Variants in SOS2 observed in about 807,000 individuals in gnomAD.
SOS2 encodes the protein SOS Ras/Rho guanine nucleotide exchange factor 2.
Under a neutral mutation model 148.2 loss-of-function variants are expected in SOS2, and 65 were observed. The observed-to-expected ratio is 0.44, with a 90% CI of 0.36 to 0.54. The LOEUF is 0.54. Ranked by LOEUF, SOS2 falls within the 20% of genes least tolerant of loss-of-function variation. The pLI is 0.00. For missense variants in SOS2, 1,341 were observed against 1,590.2 expected (o/e 0.84, Z 2.67); for synonymous variants, 539 against 537.1 (o/e 1.00, Z -0.05).
chr14:50,207,939 T>C (rs1170210542), intron 1 of SOS2, among the ~76,000 whole-genome samples: 2 of 151,202 alleles, frequency 1.3e-5, no homozygotes, highest in African/African-American at 4.9e-5. Flanking sequence ...AAAAATAATA[T>C]GACCATCCCA....
intron 14 of SOS2, among the ~76,000 whole-genome samples, chr14:50,148,455 T>C (rs1237017923): frequency 6.6e-6 from 1 of 151,910 alleles, no homozygotes; most frequent in East Asian, 1.9e-4. Flanking sequence ...GAAGTCAGTA[T>C]TAGGTATTTT....
intron 1 of SOS2, among the ~76,000 whole-genome samples, chr14:50,230,315 C>T (rs979627810): frequency 2.0e-5 from 3 of 152,152 alleles, no homozygotes; most frequent in Non-Finnish European, 4.4e-5. Flanking sequence ...TCTGCATTAA[C>T]GGCAAAGAAA....
In SOS2 at chr14:50,134,535, C is replaced by G. The variant is rs186335804; in HGVS notation, c.2959-296G>C. Among the ~76,000 whole-genome samples the G allele has an allele frequency of 1.3e-3, 201 of 152,112 alleles. 1 individual carries two copies. The highest frequency in any genetic ancestry group is 2.3e-3 in the Non-Finnish European group (156 of 68,010). On this transcript the variant is annotated intron_variant, in intron 18 of 22. Transcript: ENST00000216373. ...TGGCTCAGCAGTAGCACTACTTATT[C>G]CTTAGGAAACTTTACTCCTACTCAT...
intron 19 of SOS2, 69 bp downstream of exon 19, chr14:50,134,054 G>A (rs1444168781): frequency 1.2e-6 from 1 of 818,726 alleles, no homozygotes; most frequent in African/African-American, 1.7e-5. Flanking sequence ...TAAGATAACA[G>A]GTTGTTAAAC....
chr14:50,220,512 T>C (rs1887174382), intron 1 of SOS2, among the ~76,000 whole-genome samples: 3 of 151,948 alleles, frequency 2.0e-5, no homozygotes, highest in South Asian at 4.2e-4. Flanking sequence ...ACTGAAATTA[T>C]CTGGATACTG....
At chr14:50,167,084 C>T (rs530455495) in intron 8 of SOS2, among the ~76,000 whole-genome samples, 2 of 151,790 alleles carry the variant, frequency 1.3e-5, no homozygotes, top group African/African-American at 4.8e-5. Flanking sequence ...ACAAAAAACC[C>T]GTGATCATAT....
intron 7 of SOS2, among the ~76,000 whole-genome samples, chr14:50,178,668 GTGCA>G (rs1245295095): frequency 5.6e-4 from 38 of 68,420 alleles, no homozygotes; most frequent in South Asian, 4.0e-3. Flanking sequence ...GTGTGTGTGT[GTGCA>G]TATATATATA....
intron 14 of SOS2, among the ~76,000 whole-genome samples, chr14:50,149,341 T>C (rs1215162065): frequency 6.6e-6 from 1 of 152,180 alleles, no homozygotes; most frequent in Non-Finnish European, 1.5e-5. Flanking sequence ...AAGCCTGTCG[T>C]TCAAGGCAAC....
At chr14:50,134,365 A>G in intron 18 of SOS2, 126 bp from the exon 19 acceptor site, 1 of 565,864 alleles carries the variant, frequency 1.8e-6, no homozygotes, top group Middle Eastern at 4.9e-4. Context: ...TAACACATTA[A>G]GAGCCCACAA....
intron 22 of SOS2, 132 bp from the exon 23 acceptor site, chr14:50,118,985 A>C: frequency 1.9e-6 from 1 of 527,404 alleles, no homozygotes; most frequent in Non-Finnish European, 3.2e-6. Flanking sequence ...GTTAATTATC[A>C]GATTATGAGT....
intron 1 of SOS2, among the ~76,000 whole-genome samples, chr14:50,223,976 T>C (rs1389960224): frequency 6.6e-6 from 1 of 152,024 alleles, no homozygotes; most frequent in African/African-American, 2.4e-5. Flanking sequence ...AAGGAGGATG[T>C]GTTAATAGAA....
At chr14:50,148,114 G>T (rs1057245704) in intron 14 of SOS2, among the ~76,000 whole-genome samples, 2 of 152,102 alleles carry the variant, frequency 1.3e-5, no homozygotes, top group Non-Finnish European at 2.9e-5. Context: ...TATTTCACCA[G>T]AAATTTAGTT....
intron 16 of SOS2, among the ~76,000 whole-genome samples, chr14:50,143,912 G>A (rs975926478): frequency 6.8e-6 from 1 of 146,516 alleles, no homozygotes; most frequent in Non-Finnish European, 1.5e-5. Flanking sequence ...TCCTGTCTCT[G>A]CCTCCCAAAG....
intron 7 of SOS2, 119 bp from the exon 8 acceptor site, chr14:50,174,671 G>A: frequency 2.1e-6 from 1 of 479,636 alleles, no homozygotes; most frequent in Non-Finnish European, 3.8e-6. Flanking sequence ...AACTACAACA[G>A]AATGCATATT....
At chr14:50,156,790 A>C (rs1398346990) in intron 12 of SOS2, 1 of 261,452 alleles carries the variant, frequency 3.8e-6, no homozygotes, top group African/African-American at 2.2e-5. Flanking sequence ...AAATATTTGA[A>C]TTTCTTCAGG....
At chr14:50,150,290 T>C in intron 13 of SOS2, 60 bp from the exon 14 acceptor site, 1 of 1,128,900 alleles carries the variant, frequency 8.9e-7, no homozygotes, top group Non-Finnish European at 1.3e-6. Context: ...CTGCAAATCT[T>C]CATTTAATCC....
intron 1 of SOS2, among the ~76,000 whole-genome samples, chr14:50,223,872 C>G (rs1025006097): frequency 2.6e-5 from 4 of 151,760 alleles, no homozygotes; most frequent in Non-Finnish European, 5.9e-5. Context: ...GTTGAACATT[C>G]ATGTTTAAGA....
chr14:50,149,963 C>A, intron 14 of SOS2, 45 bp downstream of exon 14: 1 of 1,330,274 alleles, frequency 7.5e-7, no homozygotes, highest in South Asian at 1.2e-5. Flanking sequence ...AGGTAATGTT[C>A]AAGATTCTTA....
rs1427571848 is a variant in SOS2 at position 50,160,514 on chromosome 14, G to A, written c.1197-428C>T. ...TGATTCTCCTGCCTCAGCCTCCCGA[G>A]TAGCTGGGATTACAGGTGCCTGCCA... is the stretch of plus-strand genomic sequence containing the variant. On this transcript the variant is annotated intron_variant, in intron 9 of 22. Coordinates refer to ENST00000216373, the MANE Select transcript of SOS2 (RefSeq NM_006939.4). Among the ~76,000 whole-genome samples the A allele has an allele frequency of 2.7e-5, 4 of 150,774 alleles. No homozygotes were observed. The Admixed American group carries it at 2.7e-4, about 10-fold the overall frequency.
Sources: allele counts gnomAD v4.1 joint callset (sites outside exome capture counted in the v4.1 genomes callset), GRCh38; gene constraint gnomAD v4.1.1; transcripts MANE v1.5; gene names NCBI Gene and HGNC (gene_info 2026-07-23, HGNC 2026-07-21).